Variants in PRKCB observed in about 807,000 individuals in gnomAD.
PRKCB encodes the protein protein kinase C beta type.
A neutral mutation model predicts 81.5 loss-of-function variants in PRKCB; 13 were observed. The observed-to-expected ratio is 0.16, with a 90% confidence interval of 0.10 to 0.25. PRKCB has a LOEUF of 0.25. Ranked by LOEUF, PRKCB falls within the 10% of genes least tolerant of loss-of-function variation. PRKCB has a pLI of 1.00. For synonymous variants in PRKCB, 335 were observed against 321.4 expected, an observed-to-expected ratio of 1.04 and a Z score of -0.45; for missense variants, 509 against 875.7, an observed-to-expected ratio of 0.58 and a Z score of 5.29.
rs550797310 is a variant in PRKCB, at chr16:24,199,533, G to A, written c.1863+8303G>A. On this transcript the variant is annotated intron_variant, in intron 16 of 16. Coordinates refer to ENST00000643927, the MANE Select transcript of PRKCB (RefSeq NM_002738.7). Reference sequence around the variant, plus strand: ...GAAAAGGATCTAACACTTACTCAATGTGATTTATTTAAGCACAGAACCTAA... The same window carrying A: ...GAAAAGGATCTAACACTTACTCAATATGATTTATTTAAGCACAGAACCTAA... Among the ~76,000 whole-genome samples the A allele has an allele frequency of 3.3e-5, 5 of 152,284 alleles. No individual in the cohort carries two copies. In the East Asian group the frequency reaches 9.6e-4, roughly 29 times the overall value.
intron 5 of PRKCB, among the ~76,000 whole-genome samples, chr16:24,071,178 T>C (rs575819484): frequency 6.6e-6 from 1 of 151,986 alleles, no homozygotes; most frequent in Non-Finnish European, 1.5e-5. Context: ...AATGACCTCG[T>C]CTTCATGATA....
At chr16:24,079,229 G>C (rs377352255) in intron 5 of PRKCB, among the ~76,000 whole-genome samples, 179 of 151,944 alleles carry the variant, frequency 1.2e-3, no homozygotes, top group Admixed American at 2.6e-3. Flanking sequence ...CTCTCTTTTC[G>C]GACTCAGCCT....
intron 7 of PRKCB, chr16:24,111,003 A>G (rs1966669767): frequency 1.3e-5 from 2 of 152,380 alleles, no homozygotes; most frequent in South Asian, 2.1e-4. Context: ...CCACAAAGGT[A>G]GCATCTGAAT....
chr16:23,967,109 G>A (rs111450256), intron 2 of PRKCB, among the ~76,000 whole-genome samples: 1 of 152,002 alleles, frequency 6.6e-6, no homozygotes, highest in Admixed American at 6.5e-5. Flanking sequence ...CTGGGAGGAG[G>A]CCTGTCTCTG....
intron 2 of PRKCB, among the ~76,000 whole-genome samples, chr16:23,980,814 T>TA (rs1567333053): frequency 1.3e-5 from 2 of 151,950 alleles, no homozygotes; most frequent in African/African-American, 4.8e-5. Flanking sequence ...TATATATATA[T>TA]GATTTAATTT....
chr16:23,997,980 G>C (rs961582832), intron 3 of PRKCB, among the ~76,000 whole-genome samples: 16 of 152,238 alleles, frequency 1.1e-4, no homozygotes, highest in Admixed American at 3.3e-4. Flanking sequence ...ATGATTTCTG[G>C]GCATGTCTGT....
intron 7 of PRKCB, among the ~76,000 whole-genome samples, chr16:24,103,831 G>A (rs1485014210): frequency 6.6e-6 from 1 of 151,794 alleles, no homozygotes; most frequent in Admixed American, 6.6e-5. Context: ...CTGAGGCGGT[G>A]TTTCACTCTT....
At chr16:23,916,742 T>C (rs993160655) in intron 2 of PRKCB, among the ~76,000 whole-genome samples, 1 of 152,222 alleles carries the variant, frequency 6.6e-6, no homozygotes, top group Non-Finnish European at 1.5e-5. Context: ...GTTTGTTCCA[T>C]GTCAGTGCAT....
chr16:24,127,430 C>A (rs1358446588), intron 9 of PRKCB, among the ~76,000 whole-genome samples: 1 of 152,236 alleles, frequency 6.6e-6, no homozygotes, highest in Non-Finnish European at 1.5e-5. Flanking sequence ...ACTGCTACTG[C>A]TTTCCCTATG....
At chr16:24,067,141 T>C (rs1441108071) in intron 5 of PRKCB, among the ~76,000 whole-genome samples, 1 of 152,140 alleles carries the variant, frequency 6.6e-6, no homozygotes, top group Non-Finnish European at 1.5e-5. Flanking sequence ...TGTGAGCCAC[T>C]GTACCCAGTC....
chr16:23,908,650 C>G (rs893344576), intron 2 of PRKCB, among the ~76,000 whole-genome samples: 1 of 151,958 alleles, frequency 6.6e-6, no homozygotes, highest in Non-Finnish European at 1.5e-5. Context: ...TCCAGCCTCC[C>G]GAGTAGCTGG....
chr16:24,059,112 G>C (rs2141875887), intron 5 of PRKCB, among the ~76,000 whole-genome samples: 1 of 152,282 alleles, frequency 6.6e-6, no homozygotes, highest in South Asian at 2.1e-4. Context: ...AGTATATGTT[G>C]AGATGTTTTT....
At chr16:23,866,833 T>C (rs1378580841) in intron 2 of PRKCB, among the ~76,000 whole-genome samples, 1 of 152,168 alleles carries the variant, frequency 6.6e-6, no homozygotes, top group Non-Finnish European at 1.5e-5. Context: ...TCCCAGACCA[T>C]GATATTATCA....
chr16:23,867,295 T>C (rs996483547), intron 2 of PRKCB, among the ~76,000 whole-genome samples: 2 of 152,044 alleles, frequency 1.3e-5, no homozygotes, highest in Non-Finnish European at 2.9e-5. Flanking sequence ...ATTTTTTTTG[T>C]ATTTTTAGTA....
intron 3 of PRKCB, among the ~76,000 whole-genome samples, chr16:24,002,723 C>T (rs1411981974): frequency 2.0e-5 from 3 of 152,114 alleles, no homozygotes; most frequent in South Asian, 2.1e-4. Context: ...AACTTCATCT[C>T]TGGATGGGAA....
chr16:23,878,619 A>G (rs1963055028), intron 2 of PRKCB, among the ~76,000 whole-genome samples: 1 of 152,194 alleles, frequency 6.6e-6, no homozygotes, highest in African/African-American at 2.4e-5. Flanking sequence ...CTGGGAACAC[A>G]TGTTGGCTGA....
intron 3 of PRKCB, among the ~76,000 whole-genome samples, chr16:24,010,233 AG>A (rs1207323950): frequency 1.3e-5 from 2 of 152,216 alleles, no homozygotes; most frequent in African/African-American, 4.8e-5. Context: ...TGAAAGGGGC[AG>A]CGGCACTCAG....
chr16:24,084,562 C>T (rs548234151), intron 5 of PRKCB, among the ~76,000 whole-genome samples: 2 of 151,788 alleles, frequency 1.3e-5, no homozygotes, highest in African/African-American at 4.8e-5. Context: ...AATCCTGAAC[C>T]CTTCAATAAA....
chr16:23,849,552 T>C (rs1307811077), intron 2 of PRKCB, among the ~76,000 whole-genome samples: 1 of 152,220 alleles, frequency 6.6e-6, no homozygotes, highest in Non-Finnish European at 1.5e-5. Flanking sequence ...ATACATTTTG[T>C]GGCAAAATTT....
Sources: gnomAD v4.1 joint callset for allele counts (sites outside exome capture counted in the v4.1 genomes callset) on GRCh38, gnomAD v4.1.1 for gene constraint, MANE v1.5 for transcripts, NCBI Gene and HGNC (gene_info 2026-07-23, HGNC 2026-07-21) for gene names.